Variants in MANEA observed in about 807,000 individuals in gnomAD.
MANEA encodes the protein glycoprotein endo-alpha-1,2-mannosidase.
Under a neutral mutation model 36.8 loss-of-function variants are expected in MANEA, and 25 were observed. The ratio of observed to expected loss-of-function variants is 0.68; its 90% CI spans 0.50 to 0.95. The LOEUF (loss-of-function observed/expected upper bound fraction) is 0.95, where lower values mean the gene tolerates loss of function less well. Ranked by LOEUF, MANEA falls within the 40% of genes least tolerant of loss-of-function variation. MANEA has a pLI of 0.00. For missense variants in MANEA, 565 were observed against 558.8 expected (o/e 1.01, Z -0.11); for synonymous variants, 198 against 188.5 (o/e 1.05, Z -0.41).
chr6:95,583,605 G>A (rs1011054427), intron 1 of MANEA, among the ~76,000 whole-genome samples: 1 of 152,104 alleles, frequency 6.6e-6, no homozygotes, highest in Non-Finnish European at 1.5e-5. Context: ...ATATGCTTGT[G>A]TGCGGTGGGA....
chr6:95,594,082 A>ATG (rs1769441091), intron 2 of MANEA, among the ~76,000 whole-genome samples: 1 of 151,936 alleles, frequency 6.6e-6, no homozygotes, highest in African/African-American at 2.4e-5. Context: ...GCAAAAGCTC[A>ATG]TGTGTGTGTA....
chr6:95,584,256 G>C (rs1463148669), intron 1 of MANEA, among the ~76,000 whole-genome samples: 1 of 152,152 alleles, frequency 6.6e-6, no homozygotes, highest in African/African-American at 2.4e-5. Flanking sequence ...TGCCTGTGGG[G>C]TCGGGCAAAA....
intron 1 of MANEA, among the ~76,000 whole-genome samples, chr6:95,584,882 A>G (rs747444121): frequency 1.7e-4 from 26 of 152,302 alleles, no homozygotes; most frequent in Middle Eastern, 3.4e-3. Flanking sequence ...ACCTACGTTG[A>G]AATATTGGGG....
intron 2 of MANEA, among the ~76,000 whole-genome samples, chr6:95,593,531 A>G (rs1269496880): frequency 6.6e-6 from 1 of 152,230 alleles, no homozygotes; most frequent in Admixed American, 6.5e-5. Flanking sequence ...TGTGATGATG[A>G]AAATATTCTC....
rs764902952 is a variant in MANEA, at chr6:95,606,529, T to C, written c.*124T>C. The stretch of plus-strand genomic sequence containing the variant: ...CTATTAGTTATATTTAAAAATATTT[T>C]TTTAAATTCTTTACAGATAATATTA... On this transcript the variant is annotated 3_prime_UTR_variant, in exon 5 of 5. Coordinates refer to ENST00000358812, the MANE Select transcript of MANEA (RefSeq NM_024641.4). 1 of 484,704 alleles carries C rather than the reference T, an allele frequency of 2.1e-6. No individual in the cohort carries two copies. Among genetic ancestry groups the C allele is most frequent in the Non-Finnish European group, 3.3e-6 (1 of 301,998 alleles). 30.0% of individuals were successfully genotyped at this position (484,704 alleles called of 1,614,324 possible). A position where few individuals can be genotyped will look rare whatever the true frequency, so the allele number is the denominator to read the frequency against.
chr6:95,601,654 A>G (rs1769593003), intron 3 of MANEA, among the ~76,000 whole-genome samples: 1 of 150,626 alleles, frequency 6.6e-6, no homozygotes, highest in African/African-American at 2.4e-5. Context: ...GGCATTATCT[A>G]ATCAAAACTT....
intron 3 of MANEA, among the ~76,000 whole-genome samples, chr6:95,597,467 GA>G (rs955151660): frequency 6.6e-6 from 1 of 151,928 alleles, no homozygotes; most frequent in African/African-American, 2.4e-5. Context: ...ATTTTATACT[GA>G]ATAGCAAGTA....
At chr6:95,604,961 TAAG>T in intron 4 of MANEA, 58 bp downstream of exon 4, 1 of 583,176 alleles carries the variant, frequency 1.7e-6, no homozygotes, top group Non-Finnish European at 2.9e-6. Flanking sequence ...ATTATTGTTT[TAAG>T]AATAGTACAT....
intron 2 of MANEA, among the ~76,000 whole-genome samples, chr6:95,596,442 G>A (rs546749260): frequency 2.6e-5 from 4 of 152,194 alleles, no homozygotes; most frequent in Admixed American, 2.6e-4. Flanking sequence ...GGGCAGGTAG[G>A]AGGAAGAGTA....
chr6:95,577,672 C>A (rs1230611213), intron 1 of MANEA, 34 bp downstream of exon 1: 1 of 152,340 alleles, frequency 6.6e-6, no homozygotes, highest in Admixed American at 6.5e-5. Flanking sequence ...CTCTTGGAGG[C>A]GGCGGCGCCA....
chr6:95,595,527 C>T (rs910768808), intron 2 of MANEA, among the ~76,000 whole-genome samples: 10 of 152,206 alleles, frequency 6.6e-5, no homozygotes, highest in Non-Finnish European at 1.0e-4. Context: ...TTGTACATGG[C>T]GGCTAGCACA....
rs780544293 is a variant in MANEA, at chr6:95,606,289, C to T, written c.1273C>T (p.Leu425=). 3.7e-6 allele frequency: 6 copies of T among 1,613,114 alleles called. 1 individual carries two copies. In the South Asian group the frequency reaches 6.6e-5, roughly 18 times the overall value. The change falls in exon 5 of 5, where the codon CTA becomes TTA. Residue 425 remains leucine (L), a synonymous_variant. Transcript: ENST00000358812. ...VPKRTSNTVY[L]DYRPHKPGLY... Reference sequence around the variant, plus strand: ...CAAAAGAACCAGTAATACAGTGTACCTAGATTACCGTCCTCATAAACCAGG... The same window carrying T: ...CAAAAGAACCAGTAATACAGTGTACTTAGATTACCGTCCTCATAAACCAGG...
rs180719595 is a variant in MANEA, at chr6:95,579,075, A to T, written c.-39+1437A>T. On this transcript the variant is annotated intron_variant, in intron 1 of 4. Coordinates refer to ENST00000358812, the MANE Select transcript of MANEA (RefSeq NM_024641.4). ...GCTTCATCATTTGTAAAATGAGGTT[A>T]AAAAAAATTCTGCGGCCTGGCGCGG... Among the ~76,000 whole-genome samples the T allele has an allele frequency of 1.5e-3, 225 of 152,172 alleles. 2 individuals carry two copies. The highest frequency in any genetic ancestry group is 2.5e-3 in the South Asian group (12 of 4,814).
intron 2 of MANEA, among the ~76,000 whole-genome samples, chr6:95,591,153 A>G (rs1380135554): frequency 6.6e-6 from 1 of 152,190 alleles, no homozygotes; most frequent in Non-Finnish European, 1.5e-5. Context: ...TGTTTTTTAC[A>G]TTTATTCCAT....
rs1215712606 is a variant in MANEA at position 95,586,800 on chromosome 6, A to G, written c.361A>G (p.Ile121Val). Residue 121 changes from isoleucine (I) to valine (V), a missense_variant, in exon 2 of 5, where the codon ATA becomes GTA. Physicochemically the swap from Ile to Val is conservative, Grantham distance 29. Coordinates refer to ENST00000358812, the MANE Select transcript of MANEA (RefSeq NM_024641.4). ...YGNPQFDGKY[I>V]HWNHPVLEHW... is the part of the protein sequence containing the mutation. The stretch of plus-strand genomic sequence containing the variant: ...AAATCCACAATTTGATGGTAAATAT[A>G]TACATTGGAATCATCCAGTGTTAGA... 5 of 1,613,744 alleles carry G rather than the reference A, an allele frequency of 3.1e-6. No homozygotes were observed. The highest frequency in any genetic ancestry group is 2.2e-5 in the South Asian group (2 of 91,072).
At chr6:95,587,694 C>A (rs889814020) in intron 2 of MANEA, among the ~76,000 whole-genome samples, 1 of 151,956 alleles carries the variant, frequency 6.6e-6, no homozygotes. Context: ...TGGGCTTTTT[C>A]AAATTTTAGG....
intron 1 of MANEA, among the ~76,000 whole-genome samples, chr6:95,581,236 A>AT (rs2127937254): frequency 6.6e-6 from 1 of 152,284 alleles, no homozygotes; most frequent in East Asian, 1.9e-4. Context: ...AGATGACTTA[A>AT]TTGAGACATG....
chr6:95,586,515 T>A lies in MANEA; in HGVS notation c.76T>A (p.Leu26Ile), dbSNP rs111408319. 3 of 1,613,996 alleles carry A rather than the reference T, an allele frequency of 1.9e-6. No homozygotes were observed. The Admixed American group carries it at 5.0e-5, about 27-fold the overall frequency. The change falls in exon 2 of 5, where the codon TTA (leucine) becomes ATA (isoleucine). Residue 26 changes from leucine (L) to isoleucine (I), a missense_variant. Coordinates refer to ENST00000358812, the MANE Select transcript of MANEA (RefSeq NM_024641.4). ...ILFIFSLMMG[L>I]KMLRPNTATF... ...ATTTATTTTCTCTCTGATGATGGGT[T>A]TAAAAATGCTGAGACCAAATACAGC... is the stretch of plus-strand genomic sequence containing the variant.
intron 2 of MANEA, chr6:95,590,090 A>G (rs1769360793): frequency 6.6e-6 from 1 of 152,204 alleles, no homozygotes; most frequent in Non-Finnish European, 1.5e-5. Context: ...GCCTCCAGAA[A>G]GGAATGTCAT....
Sources: allele counts gnomAD v4.1 joint callset (sites outside exome capture counted in the v4.1 genomes callset), GRCh38; gene constraint gnomAD v4.1.1; transcripts MANE v1.5; gene names NCBI Gene and HGNC (gene_info 2026-07-23, HGNC 2026-07-21).